The following ARHGAP17 variants were observed in gnomAD, a reference collection of about 807,000 sequenced individuals.
ARHGAP17 encodes the protein rho GTPase-activating protein 17.
ARHGAP17 carries 57 observed loss-of-function variants against 99.5 expected under a neutral mutation model. The ratio of observed to expected loss-of-function variants is 0.57; its 90% CI spans 0.46 to 0.71. ARHGAP17 has a LOEUF of 0.71. Ranked by LOEUF, ARHGAP17 falls within the 30% of genes least tolerant of loss-of-function variation. The pLI, the probability that ARHGAP17 is intolerant of heterozygous loss-of-function variation, is 0.00. For missense variants in ARHGAP17, 1,000 were observed against 1,122.4 expected (o/e 0.89, Z 1.56); for synonymous variants, 417 against 429.6 (o/e 0.97, Z 0.36).
At chr16:24,976,041 G>C (rs1443072054) in intron 3 of ARHGAP17, among the ~76,000 whole-genome samples, 2 of 152,140 alleles carry the variant, frequency 1.3e-5, no homozygotes, top group Non-Finnish European at 2.9e-5. Flanking sequence ...CATGCTCTAG[G>C]TCTGGGCCAA....
intron 1 of ARHGAP17, among the ~76,000 whole-genome samples, chr16:25,011,710 A>G (rs1431224698): frequency 4.6e-5 from 7 of 152,070 alleles, no homozygotes; most frequent in Admixed American, 2.6e-4. Flanking sequence ...AAAAAAAAAA[A>G]AAAGAGTGGA....
chr16:24,925,881 C>T (rs879914578), intron 19 of ARHGAP17, among the ~76,000 whole-genome samples: 5 of 152,104 alleles, frequency 3.3e-5, no homozygotes, highest in South Asian at 4.2e-4. Context: ...GAGGCCGAGA[C>T]GGGCAGATCA....
At chr16:24,980,031 G>C (rs2052628972) in intron 1 of ARHGAP17, among the ~76,000 whole-genome samples, 1 of 152,096 alleles carries the variant, frequency 6.6e-6, no homozygotes, top group Non-Finnish European at 1.5e-5. Context: ...TTTTAAAAGA[G>C]AAAGAAAAAG....
chr16:24,941,671 T>A, intron 16 of ARHGAP17: 1 of 295,032 alleles, frequency 3.4e-6, no homozygotes, highest in East Asian at 8.9e-5. Context: ...TCCTTTCTGT[T>A]TCCCCCCACT....
chr16:24,965,894 T>C (rs900310445), intron 6 of ARHGAP17, among the ~76,000 whole-genome samples: 2 of 152,206 alleles, frequency 1.3e-5, no homozygotes, highest in African/African-American at 4.8e-5. Context: ...ACCATTTTTT[T>C]CTCCAGGGAA....
At chr16:24,975,046 T>A (rs1219234573) in intron 3 of ARHGAP17, among the ~76,000 whole-genome samples, 4 of 152,062 alleles carry the variant, frequency 2.6e-5, no homozygotes, top group Admixed American at 6.6e-5. Flanking sequence ...CCCAGCTACT[T>A]AAAGGTTGAG....
intron 1 of ARHGAP17, among the ~76,000 whole-genome samples, chr16:24,987,638 A>C (rs2052913789): frequency 6.6e-6 from 1 of 152,086 alleles, no homozygotes; most frequent in Non-Finnish European, 1.5e-5. Context: ...AGGATGGCAA[A>C]TATGTGGCCG....
At chr16:24,928,306 G>T (rs981120410) in intron 19 of ARHGAP17, among the ~76,000 whole-genome samples, 2 of 152,116 alleles carry the variant, frequency 1.3e-5, no homozygotes, top group African/African-American at 4.8e-5. Context: ...CTGGTAACCT[G>T]GAATTTCTTG....
At chr16:24,967,883 C>T (rs915767867) in intron 6 of ARHGAP17, among the ~76,000 whole-genome samples, 2 of 152,102 alleles carry the variant, frequency 1.3e-5, no homozygotes, top group African/African-American at 2.4e-5. Flanking sequence ...CAGACTCCTT[C>T]GCTGGCATCA....
intron 18 of ARHGAP17, among the ~76,000 whole-genome samples, chr16:24,934,769 T>C (rs906838788): frequency 6.6e-6 from 1 of 152,132 alleles, no homozygotes; most frequent in African/African-American, 2.4e-5. Context: ...AAGAAGTGAT[T>C]TTTGAGGTGA....
intron 19 of ARHGAP17, among the ~76,000 whole-genome samples, chr16:24,926,849 T>G (rs1384285135): frequency 6.6e-6 from 1 of 152,234 alleles, no homozygotes; most frequent in South Asian, 2.1e-4. Flanking sequence ...TATGGATACC[T>G]GGGTTCCACC....
chr16:24,950,049 C>T lies in ARHGAP17; in HGVS notation c.1047-565G>A, dbSNP rs550757897. On this transcript the variant is annotated intron_variant, in intron 12 of 19. Coordinates refer to ENST00000289968, the MANE Select transcript of ARHGAP17 (RefSeq NM_001006634.3). Reference sequence around the variant, plus strand: ...ACATAAAAAAGGGGCAGTGAGGAGCCTGTAGAGCACGGCCAACTCTGCCCA... The same window carrying T: ...ACATAAAAAAGGGGCAGTGAGGAGCTTGTAGAGCACGGCCAACTCTGCCCA... Among the ~76,000 whole-genome samples the T allele has an allele frequency of 7.6e-4, 116 of 152,300 alleles. 2 individuals carry two copies. The highest frequency in any genetic ancestry group is 2.5e-3 in the African/African-American group (104 of 41,562).
At chr16:25,013,079 C>A (rs1305589292) in intron 1 of ARHGAP17, among the ~76,000 whole-genome samples, 1 of 152,198 alleles carries the variant, frequency 6.6e-6, no homozygotes, top group Non-Finnish European at 1.5e-5. Flanking sequence ...GAGGCAGTCA[C>A]AGCACAGAAA....
At chr16:24,942,189 A>C (rs1414666618) in intron 15 of ARHGAP17, 46 bp from the exon 16 acceptor site, 1 of 1,552,466 alleles carries the variant, frequency 6.4e-7, no homozygotes, top group Admixed American at 1.9e-5. Context: ...TGAGCACAGC[A>C]GGCGAGGGAG....
intron 18 of ARHGAP17, among the ~76,000 whole-genome samples, 163 bp from the exon 19 acceptor site, chr16:24,931,567 A>G (rs1179074101): frequency 2.0e-5 from 3 of 152,118 alleles, no homozygotes; most frequent in Non-Finnish European, 4.4e-5. Context: ...TTCCTCCCCA[A>G]AGCCCATAAC....
intron 1 of ARHGAP17, among the ~76,000 whole-genome samples, chr16:24,983,620 T>C (rs1473254126): frequency 6.6e-6 from 1 of 152,202 alleles, no homozygotes; most frequent in African/African-American, 2.4e-5. Flanking sequence ...ATCAGACATT[T>C]TGCTCCATGT....
chr16:25,009,786 G>A (rs1250520655), intron 1 of ARHGAP17, among the ~76,000 whole-genome samples: 1 of 152,126 alleles, frequency 6.6e-6, no homozygotes, highest in East Asian at 1.9e-4. Flanking sequence ...TGACCTCTTT[G>A]ATCTCTGGCT....
intron 1 of ARHGAP17, among the ~76,000 whole-genome samples, chr16:24,999,396 G>A (rs1172794136): frequency 7.3e-6 from 1 of 137,602 alleles, no homozygotes; most frequent in African/African-American, 2.7e-5. Context: ...AAATCTACAG[G>A]TGTTTTATTT....
chr16:24,940,694 C>A (rs1235701628), intron 16 of ARHGAP17, among the ~76,000 whole-genome samples: 5 of 151,774 alleles, frequency 3.3e-5, no homozygotes, highest in Non-Finnish European at 5.9e-5. Flanking sequence ...AACCCTGTCT[C>A]AAAAAAACAA....
Sources: allele counts gnomAD v4.1 joint callset (sites outside exome capture counted in the v4.1 genomes callset), GRCh38; gene constraint gnomAD v4.1.1; transcripts MANE v1.5; gene names NCBI Gene and HGNC (gene_info 2026-07-23, HGNC 2026-07-21).